The following SLC14A2 variants were observed in gnomAD, a reference collection of about 807,000 sequenced individuals.
SLC14A2 encodes the protein solute carrier family 14 member 2, also known as urea transporter 2.
Under a neutral mutation model 104.6 loss-of-function variants are expected in SLC14A2, and 91 were observed. The ratio of observed to expected loss-of-function variants is 0.87; its 90% confidence interval spans 0.73 to 1.04. The LOEUF is 1.04. Among genes scored for constraint, SLC14A2 ranks in the 50% least tolerant of loss-of-function variants. The probability of loss-of-function intolerance (pLI) is 0.00; values close to 1 mark genes in which losing one functional copy is unlikely to be tolerated. For synonymous variants in SLC14A2, 476 were observed against 466.4 expected, an observed-to-expected ratio of 1.02 and a Z score of -0.27; for missense variants, 1,189 against 1,156.0, an observed-to-expected ratio of 1.03 and a Z score of -0.41.
At chr18:45,417,970 G>A (rs2086296378) in intron 1 of SLC14A2, among the ~76,000 whole-genome samples, 1 of 152,152 alleles carries the variant, frequency 6.6e-6, no homozygotes, top group Non-Finnish European at 1.5e-5. Flanking sequence ...GAAGCTAAAT[G>A]ATTGGATGTG....
rs537543979 is a variant in SLC14A2 at position 45,672,015 on chromosome 18, T to C, written c.2230-885T>C. ...AGACAGGCCCCACCAGCCCCAGAGA[T>C]AGATGGAGCACGGAATCAAGCAGGG... is the stretch of plus-strand genomic sequence containing the variant. On this transcript the variant is annotated intron_variant, in intron 16 of 19. Coordinates refer to ENST00000255226, the MANE Select transcript of SLC14A2 (RefSeq NM_007163.4). Among the ~76,000 whole-genome samples the C allele has an allele frequency of 9.9e-5, 15 of 152,216 alleles. No individual in the cohort carries two copies. The South Asian group carries it at 1.0e-3, about 11-fold the overall frequency.
chr18:45,606,088 T>C (rs999868093), intron 2 of SLC14A2, among the ~76,000 whole-genome samples: 3 of 152,050 alleles, frequency 2.0e-5, no homozygotes, highest in Admixed American at 6.6e-5. Context: ...GATGAGGAAG[T>C]ATCAAGTTGG....
At chr18:45,422,350 G>T (rs886623513) in intron 1 of SLC14A2, among the ~76,000 whole-genome samples, 5 of 152,180 alleles carry the variant, frequency 3.3e-5, no homozygotes, top group Non-Finnish European at 7.3e-5. Flanking sequence ...AACTGGATTT[G>T]GGAGCTGTAA....
At chr18:45,494,090 C>T (rs910832386) in intron 2 of SLC14A2, among the ~76,000 whole-genome samples, 1 of 152,178 alleles carries the variant, frequency 6.6e-6, no homozygotes, top group African/African-American at 2.4e-5. Flanking sequence ...ACCTTGTTAG[C>T]GTTCTGTACT....
intron 2 of SLC14A2, among the ~76,000 whole-genome samples, chr18:45,546,723 C>T (rs1048874575): frequency 6.6e-6 from 1 of 152,192 alleles, no homozygotes; most frequent in African/African-American, 2.4e-5. Flanking sequence ...CCTCAATTTC[C>T]TCATCTGTAA....
At chr18:45,489,858 GT>G (rs2087687772) in intron 2 of SLC14A2, 1 of 152,116 alleles carries the variant, frequency 6.6e-6, no homozygotes, top group South Asian at 2.1e-4. Context: ...CTTTAACTTG[GT>G]GTTTTGAACT....
chr18:45,211,140 C>A (rs1043475515), upstream of SLC14A2, among the ~76,000 whole-genome samples: 1 of 152,136 alleles, frequency 6.6e-6, no homozygotes, highest in African/African-American at 2.4e-5. Context: ...CTAGAAGGAG[C>A]TATTGTGATT....
intron 1 of SLC14A2, among the ~76,000 whole-genome samples, chr18:45,244,897 T>C (rs1263930564): frequency 2.6e-5 from 4 of 152,236 alleles, no homozygotes; most frequent in South Asian, 2.1e-4. Flanking sequence ...CATCCATCCA[T>C]TCATTCATTC....
intron 1 of SLC14A2, among the ~76,000 whole-genome samples, chr18:45,398,207 T>A (rs1233791213): frequency 6.6e-6 from 1 of 152,204 alleles, no homozygotes; most frequent in East Asian, 1.9e-4. Flanking sequence ...TGGTGTTCTT[T>A]CTGAGTCTAA....
At chr18:45,194,158 C>T in the SLC14A2 span, among the ~76,000 whole-genome samples, 3 of 152,040 alleles carry the variant, frequency 2.0e-5, no homozygotes, top group African/African-American at 4.8e-5. Context: ...AGATATTTTC[C>T]ATTATTTCTT....
In SLC14A2 at chr18:45,591,035, C is replaced by T. The variant is rs1414647289; in HGVS notation, c.-34-33596C>T. Among the ~76,000 whole-genome samples the T allele has an allele frequency of 2.0e-5, 3 of 152,160 alleles. No individual in the cohort carries two copies. In the East Asian group the frequency reaches 5.8e-4, roughly 29 times the overall value. On this transcript the variant is annotated intron_variant, in intron 2 of 20. Transcript: ENST00000586448. ...TCTGAACTCTCAAATTGCCACCACCCTCCCCACTCCCAATCCCACCCCAAC... is the reference window on the plus strand; with the variant it reads ...TCTGAACTCTCAAATTGCCACCACCTTCCCCACTCCCAATCCCACCCCAAC...
At chr18:45,301,950 C>A (rs1479580362) in intron 1 of SLC14A2, among the ~76,000 whole-genome samples, 1 of 152,160 alleles carries the variant, frequency 6.6e-6, no homozygotes. Context: ...GAAATTCCAC[C>A]CTAGAGTCAC....
At chr18:45,626,112 C>A (rs1326293796) in intron 3 of SLC14A2, among the ~76,000 whole-genome samples, 2 of 152,144 alleles carry the variant, frequency 1.3e-5, no homozygotes, top group African/African-American at 2.4e-5. Flanking sequence ...ATGCATTGAT[C>A]TTAGTTCTTT....
intron 1 of SLC14A2, among the ~76,000 whole-genome samples, chr18:45,328,316 T>C (rs546710449): frequency 6.6e-6 from 1 of 152,264 alleles, no homozygotes; most frequent in South Asian, 2.1e-4. Flanking sequence ...TGCTTGTGGC[T>C]CAAGTAGGAG....
intron 1 of SLC14A2, among the ~76,000 whole-genome samples, chr18:45,362,779 G>A (rs1158320326): frequency 6.6e-6 from 1 of 152,232 alleles, no homozygotes; most frequent in Non-Finnish European, 1.5e-5. Context: ...TGCTGCTGCA[G>A]AAACTTTTAT....
chr18:45,254,312 G>A (rs1599616574), intron 1 of SLC14A2, among the ~76,000 whole-genome samples: 1 of 152,212 alleles, frequency 6.6e-6, no homozygotes, highest in South Asian at 2.1e-4. Context: ...CCTGGGGAGA[G>A]ACACAGGAAC....
chr18:45,250,775 T>C (rs547423005), intron 1 of SLC14A2, among the ~76,000 whole-genome samples: 152 of 147,566 alleles, frequency 1.0e-3, no homozygotes, highest in Non-Finnish European at 1.8e-3. Flanking sequence ...TTTTTTTTTT[T>C]TGGCTTTGAG....
At chr18:45,602,688 AG>A (rs1375424658) in intron 2 of SLC14A2, among the ~76,000 whole-genome samples, 9 of 152,232 alleles carry the variant, frequency 5.9e-5, no homozygotes, top group Non-Finnish European at 1.2e-4. Context: ...AATTTCACTC[AG>A]GCTCTTTCAA....
At chr18:45,554,579 G>A (rs992399474) in intron 2 of SLC14A2, among the ~76,000 whole-genome samples, 10 of 152,044 alleles carry the variant, frequency 6.6e-5, no homozygotes, top group African/African-American at 2.2e-4. Flanking sequence ...TCTGCGCATG[G>A]CCACATCTGG....
Sources: allele counts gnomAD v4.1 joint callset (sites outside exome capture counted in the v4.1 genomes callset), GRCh38; gene constraint gnomAD v4.1.1; transcripts MANE v1.5; gene names NCBI Gene and HGNC (gene_info 2026-07-23, HGNC 2026-07-21).